The following GRIA4 variants were observed in gnomAD, a reference collection of about 807,000 sequenced individuals.
GRIA4 encodes glutamate ionotropic receptor AMPA type subunit 4.
A neutral mutation model predicts 104.0 loss-of-function variants in GRIA4; 34 were observed. The ratio of observed to expected loss-of-function variants is 0.33; its 90% CI spans 0.25 to 0.44. The LOEUF is 0.44. GRIA4 is among the 20% of genes least tolerant of loss of function. GRIA4 has a pLI of 1.00. For synonymous variants in GRIA4, 386 were observed against 381.9 expected (o/e 1.01, Z -0.13); for missense variants, 750 against 1,096.5 (o/e 0.68, Z 4.46).
At chr11:105,957,200 A>G (rs949346186) in intron 14 of GRIA4, among the ~76,000 whole-genome samples, 2 of 152,174 alleles carry the variant, frequency 1.3e-5, no homozygotes, top group African/African-American at 4.8e-5. Context: ...TATGTCCTGT[A>G]TGGTATTCCC....
intron 14 of GRIA4, among the ~76,000 whole-genome samples, chr11:105,968,481 C>A (rs1858510160): frequency 6.6e-6 from 1 of 152,192 alleles, no homozygotes; most frequent in Admixed American, 6.5e-5. Context: ...CATCCCCACT[C>A]ACCTGACAGC....
chr11:105,930,133 T>A (rs1357728526), intron 13 of GRIA4, among the ~76,000 whole-genome samples: 1 of 152,066 alleles, frequency 6.6e-6, no homozygotes. Flanking sequence ...TCTGCAGAAA[T>A]TTTCTTCATT....
chr11:105,632,596 A>AT, intron 3 of GRIA4, among the ~76,000 whole-genome samples: 1 of 152,228 alleles, frequency 6.6e-6, no homozygotes, highest in South Asian at 2.1e-4. Flanking sequence ...ACTTGCCTTG[A>AT]TTTTACTAGA....
intron 4 of GRIA4, among the ~76,000 whole-genome samples, chr11:105,758,796 T>C (rs1053563919): frequency 2.6e-5 from 4 of 152,196 alleles, no homozygotes; most frequent in African/African-American, 9.6e-5. Context: ...TTTGTTGCAA[T>C]GGAAGAGAGT....
chr11:105,736,184 T>C (rs757807628), intron 3 of GRIA4, among the ~76,000 whole-genome samples: 3 of 152,200 alleles, frequency 2.0e-5, no homozygotes, highest in Non-Finnish European at 4.4e-5. Flanking sequence ...GGGATGACAG[T>C]GGCACCCCTT....
intron 11 of GRIA4, among the ~76,000 whole-genome samples, chr11:105,923,261 G>A (rs562976020): frequency 9.9e-5 from 15 of 152,146 alleles, no homozygotes; most frequent in Non-Finnish European, 1.3e-4. Context: ...TAGATCATGC[G>A]ACAGTTTAGT....
chr11:105,792,594 GA>G (rs1344194864), intron 4 of GRIA4, among the ~76,000 whole-genome samples: 2 of 152,010 alleles, frequency 1.3e-5, no homozygotes, highest in African/African-American at 4.8e-5. Context: ...TTATATTAGA[GA>G]AGTAAATTTT....
At chr11:105,907,179 G>C (rs1301433198) in intron 9 of GRIA4, among the ~76,000 whole-genome samples, 1 of 152,108 alleles carries the variant, frequency 6.6e-6, no homozygotes, top group African/African-American at 2.4e-5. Flanking sequence ...AACCATGATG[G>C]TAACAAAAAT....
At chr11:105,728,432 TTAGA>T (rs1938363562) in intron 3 of GRIA4, among the ~76,000 whole-genome samples, 1 of 152,134 alleles carries the variant, frequency 6.6e-6, no homozygotes, top group African/African-American at 2.4e-5. Flanking sequence ...ACTGTCAATA[TTAGA>T]TAGATGAACA....
At chr11:105,914,727 C>G (rs1194982806) in intron 10 of GRIA4, among the ~76,000 whole-genome samples, 2 of 152,056 alleles carry the variant, frequency 1.3e-5, no homozygotes, top group African/African-American at 4.8e-5. Flanking sequence ...AATTACTGTC[C>G]TGCAAAGCAC....
chr11:105,655,363 A>C (rs942934157), intron 3 of GRIA4, among the ~76,000 whole-genome samples: 4 of 152,120 alleles, frequency 2.6e-5, no homozygotes, highest in Admixed American at 1.3e-4. Context: ...TTATACTTTA[A>C]GTAATGGGAT....
chr11:105,800,914 T>C (rs1942693702), intron 4 of GRIA4, among the ~76,000 whole-genome samples: 1 of 152,016 alleles, frequency 6.6e-6, no homozygotes, highest in African/African-American at 2.4e-5. Flanking sequence ...GGATAGGTGC[T>C]TTTTAGGAGA....
In GRIA4 at chr11:105,959,463, T is replaced by C. The variant is rs112944870; in HGVS notation, c.2295-12451T>C. 5.7e-3 allele frequency among the ~76,000 whole-genome samples: 869 copies of C among 152,346 alleles called. 12 individuals carry two copies. Among genetic ancestry groups the C allele is most frequent in the African/African-American group, 0.02 (826 of 41,590 alleles). ...TTTTTCAGTTCTATCAGGTCTTTTA[T>C]GTTCCTCTCTAAACTGGTTATTCTA... On this transcript the variant is annotated intron_variant, in intron 14 of 16. Transcript: ENST00000282499.
chr11:105,891,365 T>A (rs1005416827), intron 6 of GRIA4, among the ~76,000 whole-genome samples: 1 of 152,190 alleles, frequency 6.6e-6, no homozygotes, highest in African/African-American at 2.4e-5. Context: ...CCCCAATTTT[T>A]ACCACCATCT....
chr11:105,878,521 C>T (rs1945920028), intron 5 of GRIA4, among the ~76,000 whole-genome samples: 1 of 152,184 alleles, frequency 6.6e-6, no homozygotes, highest in Non-Finnish European at 1.5e-5. Flanking sequence ...CCACAGCCAC[C>T]CCTTCCCCCA....
chr11:105,677,711 A>T (rs898459547), intron 3 of GRIA4, among the ~76,000 whole-genome samples: 17 of 152,126 alleles, frequency 1.1e-4, no homozygotes, highest in African/African-American at 4.1e-4. Context: ...CAGAAATTTC[A>T]GTCTACACAG....
At chr11:105,769,292 A>C (rs1941100086) in intron 4 of GRIA4, among the ~76,000 whole-genome samples, 1 of 152,126 alleles carries the variant, frequency 6.6e-6, no homozygotes, top group Admixed American at 6.6e-5. Context: ...GCAGAGTTAC[A>C]GAAAAGGCAA....
chr11:105,643,149 G>A (rs1198867809), intron 3 of GRIA4, among the ~76,000 whole-genome samples: 2 of 152,026 alleles, frequency 1.3e-5, no homozygotes, highest in Non-Finnish European at 2.9e-5. Flanking sequence ...GAGATTATGG[G>A]AACTACAATT....
At chr11:105,960,626 C>T (rs1023080262) in intron 14 of GRIA4, among the ~76,000 whole-genome samples, 24 of 152,276 alleles carry the variant, frequency 1.6e-4, no homozygotes, top group Middle Eastern at 3.4e-3. Flanking sequence ...GAAACAGCTT[C>T]GACAGCAGGC....
Sources: gnomAD v4.1 joint callset for allele counts (sites outside exome capture counted in the v4.1 genomes callset) on GRCh38, gnomAD v4.1.1 for gene constraint, MANE v1.5 for transcripts, NCBI Gene and HGNC (gene_info 2026-07-23, HGNC 2026-07-21) for gene names.